The following CCDC174 variants were observed in gnomAD, a reference collection of about 807,000 sequenced individuals.
CCDC174 encodes coiled-coil domain containing 174.
In CCDC174, 37 loss-of-function variants were observed where a neutral mutation model predicts 57.1. The ratio of observed to expected loss-of-function variants is 0.65; its 90% CI spans 0.50 to 0.85. The LOEUF is 0.85. CCDC174 is among the 40% of genes least tolerant of loss of function. The pLI is 0.00. For synonymous variants in CCDC174, 182 were observed against 190.2 expected (o/e 0.96, Z 0.35); for missense variants, 540 against 574.3 (o/e 0.94, Z 0.61).
At position 14,665,866 on chromosome 3, in the gene CCDC174, T is replaced by C. The variant is rs560809733; in HGVS notation, c.581+743T>C. ...TAGCACAGTAAAACCCCGTCTCTAC[T>C]GAAAATACAAAAAAAAAAAAAATTA... is the stretch of plus-strand genomic sequence containing the variant. On this transcript the variant is annotated intron_variant, in intron 6 of 10. Coordinates refer to ENST00000383794, the MANE Select transcript of CCDC174 (RefSeq NM_016474.5). Among the ~76,000 whole-genome samples the C allele has an allele frequency of 1.5e-3, 209 of 136,484 alleles. 1 individual carries two copies. The highest frequency in any genetic ancestry group is 5.4e-3 in the African/African-American group (202 of 37,318). The allele number at this position is 136,484 out of a possible 152,430, so 89.5% of individuals were successfully genotyped here.
intron 3 of CCDC174, among the ~76,000 whole-genome samples, chr3:14,656,252 A>T (rs1314007277): frequency 6.6e-6 from 1 of 152,190 alleles, no homozygotes; most frequent in Non-Finnish European, 1.5e-5. Context: ...TTCACCAGTT[A>T]TCCCAGTACA....
rs750173264 is a variant in CCDC174, at chr3:14,665,116, G to A, written c.574G>A (p.Gly192Arg). ...DLLEMDKNLQ[G>R]RLFISPANEK... Reference sequence around the variant, plus strand: ...GCTGGAGATGGATAAAAATCTTCAGGGGAGACTGTAAGTGTGTGTGGTATA... The same window carrying A: ...GCTGGAGATGGATAAAAATCTTCAGAGGAGACTGTAAGTGTGTGTGGTATA... Residue 192 changes from glycine to arginine, a missense_variant, in exon 6 of 11, where the codon GGG becomes AGG. Transcript: ENST00000383794. 1.2e-6 allele frequency: 2 copies of A among 1,611,362 alleles called. No homozygotes were observed. The highest frequency in any genetic ancestry group is 4.5e-5 in the East Asian group (2 of 44,862).
chr3:14,670,908 G>T lies in CCDC174; in HGVS notation c.1118G>T (p.Gly373Val). ...EWDRGKEFSFGYWSKRQSDLR... is the reference protein window; with the variant it reads ...EWDRGKEFSFVYWSKRQSDLR... ...TTATTTTTACCAGAATTTTCCTTTG[G>T]ATACTGGTCGAAGAGGCAGTCAGAT... Residue 373 changes from glycine (G) to valine (V), a missense_variant, in exon 11 of 11, where the codon GGA (glycine) becomes GTA (valine). Gly to Val is a moderately radical substitution (Grantham distance 109, BLOSUM62 -3). Transcript: ENST00000383794. 1 of 1,603,416 alleles carries T rather than the reference G, an allele frequency of 6.2e-7. No homozygotes were observed. The highest frequency in any genetic ancestry group is 1.1e-5 in the South Asian group (1 of 90,350).
chr3:14,668,222 T>C (rs1238240731), intron 9 of CCDC174, 41 bp downstream of exon 9: 2 of 1,542,508 alleles, frequency 1.3e-6, no homozygotes, highest in South Asian at 2.4e-5. Flanking sequence ...AAGGGAAAAT[T>C]TTATTTCCAT....
At chr3:14,665,960 C>T (rs1033505697) in intron 6 of CCDC174, among the ~76,000 whole-genome samples, 7 of 147,622 alleles carry the variant, frequency 4.7e-5, no homozygotes, top group Non-Finnish European at 1.5e-5. Context: ...ATGGCGTGAA[C>T]CCAGGAGGCA....
intron 5 of CCDC174, among the ~76,000 whole-genome samples, chr3:14,662,454 A>G (rs1196567574): frequency 6.6e-6 from 1 of 151,126 alleles, no homozygotes; most frequent in Non-Finnish European, 1.5e-5. Flanking sequence ...GCCTATATGT[A>G]GATGAATGAT....
In CCDC174 at chr3:14,654,442, C is replaced by G. The variant is rs755216298; in HGVS notation, c.59C>G (p.Ala20Gly). 1 of 1,600,794 alleles carries G rather than the reference C, an allele frequency of 6.2e-7. No individual in the cohort carries two copies. Among genetic ancestry groups the G allele is most frequent in the Non-Finnish European group, 8.5e-7 (1 of 1,171,930 alleles). ...TCATTCTAGTTGGTAGATCTTAAGG[C>G]TGAACTCTTCCGAAAGCAAGAAGAA... ...VTASSLVDLK[A>G]ELFRKQEEFK... Residue 20 changes from alanine (A) to glycine (G), a missense_variant, in exon 2 of 11, where the codon GCT becomes GGT. Physicochemically the swap from Ala to Gly is moderately conservative, Grantham distance 60. Coordinates refer to ENST00000383794, the MANE Select transcript of CCDC174 (RefSeq NM_016474.5).
At chr3:14,662,073 T>G (rs894531636) in intron 5 of CCDC174, among the ~76,000 whole-genome samples, 1 of 152,218 alleles carries the variant, frequency 6.6e-6, no homozygotes, top group African/African-American at 2.4e-5. Flanking sequence ...TGCTGCTGCC[T>G]TACCCGTGTT....
chr3:14,668,088 A>G lies in CCDC174; in HGVS notation c.859A>G (p.Lys287Glu), dbSNP rs915375089. Residue 287 changes from lysine to glutamate, a missense_variant, in exon 9 of 11, where the codon AAG (lysine) becomes GAG (glutamate). Coordinates refer to ENST00000383794, the MANE Select transcript of CCDC174 (RefSeq NM_016474.5). Reference protein sequence around the residue: ...QRTKRENIKEKRKAILEARLA... With the variant: ...QRTKRENIKEERKAILEARLA... ...AACAAAACGAGAAAACATAAAGGAA[A>G]AGCGAAAGGCTATCTTAGAGGCAAG... 6.2e-7 allele frequency: 1 copy of G among 1,605,124 alleles called. No individual in the cohort carries two copies.
In CCDC174 at chr3:14,671,685, C is replaced by G. The variant is rs117509272; in HGVS notation, c.*491C>G. On this transcript the variant is annotated 3_prime_UTR_variant, in exon 11 of 11. Coordinates refer to ENST00000383794, the MANE Select transcript of CCDC174 (RefSeq NM_016474.5). ...AAATGCTCTGTTCTCCAAGAGGACC[C>G]GGAAGTAATCACATAGGAAATGATA... 1 of 153,328 alleles carries G rather than the reference C, an allele frequency of 6.5e-6. No homozygotes were observed. The highest frequency in any genetic ancestry group is 2.4e-5 in the African/African-American group (1 of 41,416). 9.5% of individuals were successfully genotyped at this position (153,328 alleles called of 1,614,324 possible). A position where few individuals can be genotyped will look rare whatever the true frequency, so the allele number is the denominator to read the frequency against.
rs1257609106 is a variant in CCDC174, at chr3:14,657,298, GGCCTTGGGCAAGTTAGTTA to G, written c.249-1572_249-1554del. ...AGTCCCAGGCTTTTCTGAGGTAGAAGGCCTTGGGCAAGTTAGTTATCTGTTAAGACTCTTTCTTTATCTA... is the reference window on the plus strand; with the variant it reads ...AGTCCCAGGCTTTTCTGAGGTAGAAGTCTGTTAAGACTCTTTCTTTATCTA... On this transcript the variant is annotated intron_variant, in intron 3 of 10. Transcript: ENST00000383794. Among the ~76,000 whole-genome samples the G allele has an allele frequency of 5.3e-4, 81 of 152,312 alleles. 1 individual carries two copies. The South Asian group carries it at 0.016, about 31-fold the overall frequency.
chr3:14,662,801 A>T (rs2031192372), intron 5 of CCDC174, among the ~76,000 whole-genome samples: 1 of 152,192 alleles, frequency 6.6e-6, no homozygotes, highest in Non-Finnish European at 1.5e-5. Flanking sequence ...AGCTGAAGAG[A>T]GCAGTCCCAG....
intron 5 of CCDC174, among the ~76,000 whole-genome samples, chr3:14,663,066 T>G (rs1439608043): frequency 6.6e-6 from 1 of 152,222 alleles, no homozygotes; most frequent in African/African-American, 2.4e-5. Flanking sequence ...TTTATTTGTT[T>G]TTGAGGCAGG....
In CCDC174 at chr3:14,670,025, C is replaced by A. The variant is rs17040078; in HGVS notation, c.1044C>A (p.Val348=). 4,439 of 1,611,200 alleles carry A rather than the reference C, an allele frequency of 2.8e-3. 88 individuals are homozygous for A. The African/African-American group carries it at 0.052, about 19-fold the overall frequency. ...AGAGTAGCAAAGTAGAAGTCATTGT[C>A]CAGGAGAGGAAGGACACCAAGCCTG... is the stretch of plus-strand genomic sequence containing the variant. ...AAQSSKVEVI[V]QERKDTKPGV... Residue 348 remains valine, a synonymous_variant, in exon 10 of 11, where the codon GTC becomes GTA. Transcript: ENST00000383794.
Position 14,670,102 on chromosome 3 carries a change from T to A in CCDC174, c.1105+16T>A. 1 of 1,594,350 alleles carries A rather than the reference T, an allele frequency of 6.3e-7. No individual in the cohort carries two copies. The highest frequency in any genetic ancestry group is 8.5e-7 in the Non-Finnish European group (1 of 1,175,070). On this transcript the variant is annotated intron_variant, in intron 10 of 10. Transcript: ENST00000383794. The stretch of plus-strand genomic sequence containing the variant: ...CGCGGAAAAGGTAAGGGAGGTGGGC[T>A]CTGAGGTGTAAGAACTCTCCAGTGA...
intron 2 of CCDC174, among the ~76,000 whole-genome samples, chr3:14,655,319 A>G (rs2030915100): frequency 6.6e-6 from 1 of 152,090 alleles, no homozygotes; most frequent in Non-Finnish European, 1.5e-5. Context: ...TCAAAGAAAA[A>G]AAAAAAAGTT....
rs1313640004 is a variant in CCDC174, at chr3:14,668,128, G to A, written c.899G>A (p.Arg300Gln). ...TTAGAGGCAAGACTTGCCAAACTTC[G>A]ACAAAAAAAGATGAAAAAATCAAAA... Reference protein sequence around the residue: ...AILEARLAKLRQKKMKKSKEG... With the variant: ...AILEARLAKLQQKKMKKSKEG... Residue 300 changes from arginine (R) to glutamine (Q), a missense_variant, in exon 9 of 11, where the codon CGA becomes CAA. Physicochemically the swap from Arg to Gln is conservative, Grantham distance 43. Coordinates refer to ENST00000383794, the MANE Select transcript of CCDC174 (RefSeq NM_016474.5). The A allele has an allele frequency of 6.8e-6, 11 of 1,606,964 alleles. No homozygotes were observed. The highest frequency in any genetic ancestry group is 1.3e-5 in the African/African-American group (1 of 74,430).
chr3:14,661,992 C>T, intron 5 of CCDC174: 1 of 288,104 alleles, frequency 3.5e-6, no homozygotes, highest in Non-Finnish European at 6.5e-6. Context: ...AAACCCAGTG[C>T]CTGGCAGACT....
chr3:14,654,323 A>G lies in CCDC174; in HGVS notation c.43-103A>G, dbSNP rs2030876814. On this transcript the variant is annotated intron_variant, in intron 1 of 10. Coordinates refer to ENST00000383794, the MANE Select transcript of CCDC174 (RefSeq NM_016474.5). ...TTTAGTTTTTTAGCCATATTTGTCC[A>G]TTTAGCGGAACTTGAAATATTCCTT... 1.2e-5 allele frequency: 8 copies of G among 683,042 alleles called. No homozygotes were observed. The South Asian group carries it at 1.4e-4, about 12-fold the overall frequency. The allele number at this position is 683,042 out of a possible 1,614,324, so 42.3% of individuals were successfully genotyped here. A position where few individuals can be genotyped will look rare whatever the true frequency, so the allele number is the denominator to read the frequency against.
Sources: gnomAD v4.1 joint callset for allele counts (sites outside exome capture counted in the v4.1 genomes callset) on GRCh38, gnomAD v4.1.1 for gene constraint, MANE v1.5 for transcripts, NCBI Gene and HGNC (gene_info 2026-07-23, HGNC 2026-07-21) for gene names.